CTBP2: variants seen among roughly 807,000 people sequenced by gnomAD.
CTBP2 encodes C-terminal binding protein 2.
CTBP2 carries 30 observed loss-of-function variants against 80.3 expected under a neutral mutation model. That is an observed-to-expected ratio of 0.37 (90% CI 0.28 to 0.51). The LOEUF is 0.51. CTBP2 is among the 20% of genes least tolerant of loss of function. The pLI, the probability that CTBP2 is intolerant of heterozygous loss-of-function variation, is 0.93. For missense variants in CTBP2, 1,212 were observed against 1,375.3 expected (o/e 0.88, Z 1.88); for synonymous variants, 594 against 587.4 (o/e 1.01, Z -0.16).
In CTBP2 at chr10:124,985,557, T is replaced by A. The variant is rs1416534376; in HGVS notation, c.*3961A>T. On this transcript the variant is annotated 3_prime_UTR_variant, in exon 9 of 9. Transcript: ENST00000309035. ...TTCCTCTTGTGCCCAATCAAATCTT[T>A]TAGGAACAAACTGCAAGAAAAGCTA... is the stretch of plus-strand genomic sequence containing the variant. 1 of 152,662 alleles carries A rather than the reference T, an allele frequency of 6.6e-6. No individual in the cohort carries two copies. Among genetic ancestry groups the A allele is most frequent in the African/African-American group, 2.4e-5 (1 of 41,454 alleles). 9.5% of individuals were successfully genotyped at this position (152,662 alleles called of 1,614,324 possible).
intron 2 of CTBP2, among the ~76,000 whole-genome samples, chr10:125,040,765 C>G (rs1288689790): frequency 3.3e-5 from 5 of 152,204 alleles, no homozygotes; most frequent in Admixed American, 1.3e-4. Context: ...ATCAAAAGGT[C>G]AGACTGCAGG....
chr10:125,093,464 G>A (rs1181474950), intron 2 of CTBP2, among the ~76,000 whole-genome samples: 1 of 152,176 alleles, frequency 6.6e-6, no homozygotes, highest in Non-Finnish European at 1.5e-5. Context: ...AGGCACAATG[G>A]TTAAAATGAT....
At chr10:124,990,186 A>T (rs893806428) in intron 8 of CTBP2, among the ~76,000 whole-genome samples, 1 of 152,024 alleles carries the variant, frequency 6.6e-6, no homozygotes, top group Non-Finnish European at 1.5e-5. Flanking sequence ...CTGGGACTAC[A>T]GGTGTGCGCT....
At chr10:125,147,487 C>T (rs1398392363) in intron 1 of CTBP2, among the ~76,000 whole-genome samples, 1 of 152,194 alleles carries the variant, frequency 6.6e-6, no homozygotes. Context: ...GTTTTCAGTT[C>T]ATTGCTTTGG....
At chr10:125,153,372 C>T (rs1860347409) in intron 1 of CTBP2, among the ~76,000 whole-genome samples, 1 of 152,212 alleles carries the variant, frequency 6.6e-6, no homozygotes. Flanking sequence ...CCACCCGTTC[C>T]CTTGGTCTCC....
At chr10:125,072,636 A>G (rs1460662759) in intron 2 of CTBP2, among the ~76,000 whole-genome samples, 2,718 of 30,142 alleles carry the variant, frequency 0.09, 30 homozygotes, top group East Asian at 0.32. Context: ...AAAGAAAAGA[A>G]AAAAAAAAAA....
intron 1 of CTBP2, among the ~76,000 whole-genome samples, chr10:125,133,921 C>T (rs1333545816): frequency 6.6e-6 from 1 of 152,148 alleles, no homozygotes; most frequent in African/African-American, 2.4e-5. Context: ...ACTTCCTAAC[C>T]ACGGCTGGAA....
chr10:125,057,745 CA>C (rs1158807842), intron 2 of CTBP2, among the ~76,000 whole-genome samples: 1 of 152,220 alleles, frequency 6.6e-6, no homozygotes, highest in Non-Finnish European at 1.5e-5. Flanking sequence ...CATTTGTTGA[CA>C]AAACTCCAGC....
chr10:125,022,738 A>G (rs1371547694), intron 1 of CTBP2, among the ~76,000 whole-genome samples: 1 of 152,220 alleles, frequency 6.6e-6, no homozygotes, highest in African/African-American at 2.4e-5. Flanking sequence ...GCCTGGGGTC[A>G]CAGCCCCTGG....
intron 2 of CTBP2, chr10:125,088,116 G>C (rs1848262525): frequency 6.6e-6 from 1 of 152,306 alleles, no homozygotes; most frequent in Non-Finnish European, 1.5e-5. Context: ...AGCCTATGGA[G>C]CCACCAAGAG....
chr10:125,084,213 C>A (rs1306137339), intron 2 of CTBP2, among the ~76,000 whole-genome samples: 2 of 152,238 alleles, frequency 1.3e-5, no homozygotes, highest in Non-Finnish European at 2.9e-5. Context: ...CCTTGGCCTC[C>A]CAAAGTCGTG....
intron 2 of CTBP2, among the ~76,000 whole-genome samples, chr10:125,045,189 A>G (rs577156466): frequency 6.6e-6 from 1 of 152,130 alleles, no homozygotes; most frequent in South Asian, 2.1e-4. Context: ...CCACGCGAGG[A>G]TACAGCCAGG....
Position 125,027,946 on chromosome 10 carries a change from CAT to C in CTBP2, c.-189_-188del. The C allele has an allele frequency of 7.1e-7, 1 of 1,407,580 alleles. No individual in the cohort carries two copies. Among genetic ancestry groups the C allele is most frequent in the Non-Finnish European group, 9.2e-7 (1 of 1,083,744 alleles). 87.2% of individuals were successfully genotyped at this position (1,407,580 alleles called of 1,614,324 possible). On this transcript the variant is annotated 5_prime_UTR_variant, in exon 1 of 9. Coordinates refer to ENST00000309035, the MANE Select transcript of CTBP2 (RefSeq NM_022802.3). ...TCCTCCGAAACCTTAGCAGACAAAA[CAT>C]AAGACTCACGGTAACTTTGCCTCAC...
chr10:125,136,922 T>A (rs1343242811), intron 1 of CTBP2, among the ~76,000 whole-genome samples: 1 of 152,178 alleles, frequency 6.6e-6, no homozygotes, highest in Non-Finnish European at 1.5e-5. Context: ...GGGAGCGATT[T>A]CAAATGGGCT....
At chr10:125,153,580 T>C (rs377180601) in intron 1 of CTBP2, among the ~76,000 whole-genome samples, 64 of 152,248 alleles carry the variant, frequency 4.2e-4, no homozygotes, top group African/African-American at 1.5e-3. Flanking sequence ...TCTCCTCTCA[T>C]TTCCCCTCTC....
At chr10:125,069,024 C>G (rs191170644) in intron 2 of CTBP2, among the ~76,000 whole-genome samples, 1 of 152,082 alleles carries the variant, frequency 6.6e-6, no homozygotes, top group Non-Finnish European at 1.5e-5. Flanking sequence ...CAGAAGGGAA[C>G]GATGCACTCA....
rs1477006647 is a variant in CTBP2 at position 125,138,546 on chromosome 10, GAGA to G, written c.-206+21770_-206+21772del. Among the ~76,000 whole-genome samples, 15 of 151,954 alleles carry G rather than the reference GAGA, an allele frequency of 9.9e-5. 1 individual carries two copies. Among genetic ancestry groups the G allele is most frequent in the African/African-American group, 3.6e-4 (15 of 41,370 alleles). On this transcript the variant is annotated intron_variant, in intron 1 of 10. Transcript: ENST00000337195. ...TAAAAATAAGATTAACTAAGAGGCA[GAGA>G]AGGAGGCTCGTGGATAATCAAATGT...
At chr10:125,075,584 A>C (rs1352059369) in intron 2 of CTBP2, among the ~76,000 whole-genome samples, 1 of 152,238 alleles carries the variant, frequency 6.6e-6, no homozygotes, top group Non-Finnish European at 1.5e-5. Context: ...CTGTTACAGC[A>C]GCACAAAATG....
At chr10:125,015,783 T>G (rs1175698876) in intron 1 of CTBP2, among the ~76,000 whole-genome samples, 1 of 152,076 alleles carries the variant, frequency 6.6e-6, no homozygotes, top group African/African-American at 2.4e-5. Flanking sequence ...TAAGGGAAAA[T>G]AGAGAAGAGA....
Sources: gnomAD v4.1 joint callset for allele counts (sites outside exome capture counted in the v4.1 genomes callset) on GRCh38, gnomAD v4.1.1 for gene constraint, MANE v1.5 for transcripts, NCBI Gene and HGNC (gene_info 2026-07-23, HGNC 2026-07-21) for gene names.